TRNAU1AP: variants seen among roughly 807,000 people sequenced by gnomAD.
The protein encoded by TRNAU1AP is tRNA selenocysteine 1-associated protein 1.
In TRNAU1AP, 33 loss-of-function variants were observed where a neutral mutation model predicts 43.3. That is an observed-to-expected ratio of 0.76 (90% confidence interval 0.58 to 1.02). TRNAU1AP has a LOEUF of 1.02. Among genes scored for constraint, TRNAU1AP ranks in the 50% least tolerant of loss-of-function variants. TRNAU1AP has a pLI of 0.00. For missense variants in TRNAU1AP, 290 were observed against 362.7 expected, an observed-to-expected ratio of 0.80 and a Z score of 1.63; for synonymous variants, 143 against 129.1, an observed-to-expected ratio of 1.11 and a Z score of -0.73.
intron 2 of TRNAU1AP, 92 bp downstream of exon 2, chr1:28,553,829 C>T (rs1665190228): frequency 9.2e-7 from 1 of 1,084,892 alleles, no homozygotes; most frequent in African/African-American, 1.6e-5. Flanking sequence ...CTCACTACCC[C>T]TAGTAATAGT....
chr1:28,562,115 G>A (rs1487411126), intron 4 of TRNAU1AP, among the ~76,000 whole-genome samples: 1 of 152,204 alleles, frequency 6.6e-6, no homozygotes, highest in African/African-American at 2.4e-5. Flanking sequence ...ACCTGTTATA[G>A]CAACATAAAT....
chr1:28,564,443 C>T (rs1665492155), intron 4 of TRNAU1AP, among the ~76,000 whole-genome samples: 1 of 151,916 alleles, frequency 6.6e-6, no homozygotes, highest in African/African-American at 2.4e-5. Flanking sequence ...CACTTCTGAC[C>T]CCATCCACAC....
At chr1:28,571,468 C>A in intron 7 of TRNAU1AP, 130 bp downstream of exon 7, 2 of 907,948 alleles carry the variant, frequency 2.2e-6, no homozygotes, top group South Asian at 1.7e-5. Context: ...TTGAAGCAGT[C>A]CAGTTCCTCT....
chr1:28,554,217 AAAAC>A lies in TRNAU1AP; in HGVS notation c.125+484_125+487del, dbSNP rs1178271482. 2.9e-3 allele frequency among the ~76,000 whole-genome samples: 426 copies of A among 146,684 alleles called. 7 individuals are homozygous for A. Among genetic ancestry groups the A allele is most frequent in the African/African-American group, 0.011 (389 of 36,768 alleles). ...ATGTCTCAAAAAAAAAAAAAACAAAAAAACAAAAAACGCAGGACTCAAGCGAGAC... is the reference window on the plus strand; with the variant it reads ...ATGTCTCAAAAAAAAAAAAAACAAAAAAAAAACGCAGGACTCAAGCGAGAC... On this transcript the variant is annotated intron_variant, in intron 2 of 8. Coordinates refer to ENST00000373830, the MANE Select transcript of TRNAU1AP (RefSeq NM_017846.5).
In TRNAU1AP at chr1:28,564,758, C is replaced by G. The variant is rs779686829; in HGVS notation, c.334C>G (p.Leu112Val). The change falls in exon 5 of 9, where the codon CTG becomes GTG. Residue 112 changes from leucine to valine, a missense_variant. By Grantham distance (32) the Leu-to-Val change is conservative. Around this residue, in one of 3 missense-constraint regions of TRNAU1AP, gnomAD observed 174 missense variants for 262.1 expected, o/e 0.66. Transcript: ENST00000373830. Reference protein sequence around the residue: ...DLTPDVDDGMLYEFFVKVYPS... With the variant: ...DLTPDVDDGMVYEFFVKVYPS... The stretch of plus-strand genomic sequence containing the variant: ...GACCCCGGACGTGGATGATGGCATG[C>G]TGTATGAATTCTTCGTCAAAGTCTA... The G allele has an allele frequency of 1.1e-5, 17 of 1,613,990 alleles. No individual in the cohort carries two copies. The highest frequency in any genetic ancestry group is 9.9e-5 in the South Asian group (9 of 91,070).
At position 28,577,618 on chromosome 1, in the gene TRNAU1AP, G is replaced by C. The variant is rs1340724851; in HGVS notation, c.846G>C (p.Glu282Asp). The change falls in exon 9 of 9, where the codon GAG (glutamate) becomes GAC (aspartate). Residue 282 changes from glutamate (E) to aspartate (D), a missense_variant. Physicochemically the swap from Glu to Asp is conservative, Grantham distance 45. Around this residue, in one of 3 missense-constraint regions of TRNAU1AP, gnomAD observed 57 missense variants for 55.1 expected, o/e 1.03. Transcript: ENST00000373830. ...AGCCCCTGGACACAGTGTCTTCAGA[G>C]ATCCCTGCCATGATGTAGCCAGGCC... ...HWQPLDTVSS[E>D]IPAMM The C allele has an allele frequency of 1.2e-6, 2 of 1,614,122 alleles. No homozygotes were observed. Among genetic ancestry groups the C allele is most frequent in the Non-Finnish European group, 1.7e-6 (2 of 1,179,986 alleles).
rs1665190496 is a variant in TRNAU1AP, at chr1:28,553,832, G to GTAA, written c.125+98_125+100dup. The GTAA allele has an allele frequency of 7.5e-6, 8 of 1,064,450 alleles. No homozygotes were observed. In the East Asian group the frequency reaches 1.8e-4, roughly 23 times the overall value. The allele number at this position is 1,064,450 out of a possible 1,614,324, so 65.9% of individuals were successfully genotyped here. On this transcript the variant is annotated intron_variant, in intron 2 of 8. Coordinates refer to ENST00000373830, the MANE Select transcript of TRNAU1AP (RefSeq NM_017846.5). ...TAGTCATGGCTTCTCACTACCCCTA[G>GTAA]TAATAGTCACTGTAAAATTATAACA...
chr1:28,568,332 A>G (rs1229152186), intron 6 of TRNAU1AP, among the ~76,000 whole-genome samples: 1 of 152,178 alleles, frequency 6.6e-6, no homozygotes, highest in Non-Finnish European at 1.5e-5. Context: ...AAAGTCACCC[A>G]GGCTGGAGAT....
chr1:28,554,526 AAGAG>A (rs1665210450), intron 2 of TRNAU1AP, among the ~76,000 whole-genome samples: 1 of 152,142 alleles, frequency 6.6e-6, no homozygotes, highest in African/African-American at 2.4e-5. Flanking sequence ...TACTATTATG[AAGAG>A]GCTTAATAAC....
intron 2 of TRNAU1AP, chr1:28,554,198 CAAAAA>C: frequency 1.2e-5 from 1 of 85,720 alleles, no homozygotes; most frequent in African/African-American, 5.8e-5. Context: ...AACAATGTCT[CAAAAA>C]AAAAAAAAAC....
intron 5 of TRNAU1AP, 100 bp from the exon 6 acceptor site, chr1:28,567,194 T>C (rs2124205339): frequency 1.5e-6 from 2 of 1,341,128 alleles, no homozygotes; most frequent in East Asian, 4.7e-5. Flanking sequence ...TTTTCCTTTC[T>C]ACATTCCTGC....
At position 28,564,782 on chromosome 1, in the gene TRNAU1AP, T is replaced by C. The variant is rs770300133; in HGVS notation, c.358T>C (p.Tyr120His). The change falls in exon 5 of 9, where the codon TAC becomes CAC. Residue 120 changes from tyrosine (Y) to histidine (H), a missense_variant. Tyr to His is a moderately conservative substitution (Grantham distance 83, BLOSUM62 2). This residue lies in a region of TRNAU1AP where 174 missense variants were observed against 262.1 expected (regional missense o/e 0.66). Transcript: ENST00000373830. ...GMLYEFFVKV[Y>H]PSCRGGKVVL... ...GCTGTATGAATTCTTCGTCAAAGTC[T>C]ACCCCTCCTGTCGGGGAGGCAAGGT... 1 of 1,614,172 alleles carries C rather than the reference T, an allele frequency of 6.2e-7. No individual in the cohort carries two copies.
Position 28,553,107 on chromosome 1 carries a change from G to A in TRNAU1AP, c.-4G>A, listed in dbSNP as rs748452110. 2.0e-6 allele frequency: 3 copies of A among 1,520,600 alleles called. No homozygotes were observed. Among genetic ancestry groups the A allele is most frequent in the Non-Finnish European group, 2.7e-6 (3 of 1,132,052 alleles). 94.2% of individuals were successfully genotyped at this position (1,520,600 alleles called of 1,614,324 possible). A position where few individuals can be genotyped will look rare whatever the true frequency, so the allele number is the denominator to read the frequency against. On this transcript the variant is annotated 5_prime_UTR_variant, in exon 1 of 9. Coordinates refer to ENST00000373830, the MANE Select transcript of TRNAU1AP (RefSeq NM_017846.5). ...CCCGCAAAGCCCCACCCCGGTGCGCGGGTATGGCGGCCAGCCTGTGGATGG... is the reference window on the plus strand; with the variant it reads ...CCCGCAAAGCCCCACCCCGGTGCGCAGGTATGGCGGCCAGCCTGTGGATGG...
chr1:28,577,428 A>G (rs1266667695), intron 8 of TRNAU1AP, 72 bp from the exon 9 acceptor site: 2 of 1,538,110 alleles, frequency 1.3e-6, no homozygotes, highest in Non-Finnish European at 1.8e-6. Context: ...GAGTTCTGGG[A>G]GAAGGGAACT....
intron 5 of TRNAU1AP, 29 bp downstream of exon 5, chr1:28,564,863 A>G (rs1429353015): frequency 6.2e-7 from 1 of 1,613,298 alleles, no homozygotes; most frequent in East Asian, 2.2e-5. Flanking sequence ...CTGATGCTTA[A>G]CTGTGTTAGT....
At chr1:28,565,795 A>AAAGAAAAG (rs1553122510) in intron 5 of TRNAU1AP, 2 of 150,684 alleles carry the variant, frequency 1.3e-5, no homozygotes, top group African/African-American at 4.9e-5. Flanking sequence ...TCAAATAAAA[A>AAAGAAAAG]AAAAAAGAAA....
intron 8 of TRNAU1AP, among the ~76,000 whole-genome samples, chr1:28,576,320 AT>A (rs879631148): frequency 0.038 from 5,216 of 137,742 alleles, 240 homozygotes; most frequent in African/African-American, 0.12. Flanking sequence ...TGCCCAGCTA[AT>A]TTTTTTTTTT....
chr1:28,575,485 G>T (rs1665756731), intron 8 of TRNAU1AP, among the ~76,000 whole-genome samples: 3 of 142,468 alleles, frequency 2.1e-5, no homozygotes, highest in Admixed American at 7.1e-5. Flanking sequence ...TTTTTGAGAC[G>T]GTGTCTCACT....
At chr1:28,561,202 C>T in intron 3 of TRNAU1AP, 144 bp from the exon 4 acceptor site, 3 of 1,475,196 alleles carry the variant, frequency 2.0e-6, no homozygotes, top group South Asian at 1.4e-5. Flanking sequence ...CGTGCAACCC[C>T]CTCATTTTAT....
Sources: allele counts gnomAD v4.1 joint callset (sites outside exome capture counted in the v4.1 genomes callset), GRCh38; gene constraint gnomAD v4.1.1; regional missense constraint gnomAD v4.1.1; transcripts MANE v1.5; gene names NCBI Gene and HGNC (gene_info 2026-07-23, HGNC 2026-07-21).